The following WWOX variants were observed in gnomAD, a reference collection of about 807,000 sequenced individuals.
WWOX encodes the protein WW domain-containing oxidoreductase.
In WWOX, 69 loss-of-function variants were observed where a neutral mutation model predicts 46.2. That is an observed-to-expected ratio of 1.49 (90% CI 1.23 to 1.82). WWOX has a LOEUF of 1.82. Among genes scored for constraint, WWOX ranks in the 40% most tolerant of loss-of-function variants. WWOX has a pLI of 0.00. For synonymous variants in WWOX, 359 were observed against 202.6 expected, an observed-to-expected ratio of 1.77 and a Z score of -6.56; for missense variants, 919 against 542.6, an observed-to-expected ratio of 1.69 and a Z score of -6.89.
intron 8 of WWOX, among the ~76,000 whole-genome samples, chr16:78,650,079 A>G (rs1358524914): frequency 6.6e-6 from 1 of 152,202 alleles, no homozygotes; most frequent in Non-Finnish European, 1.5e-5. Flanking sequence ...GCTAGAGGCT[A>G]GTAGGACTGG....
chr16:78,136,634 A>G (rs2033799373), intron 4 of WWOX, among the ~76,000 whole-genome samples: 1 of 152,234 alleles, frequency 6.6e-6, no homozygotes, highest in Non-Finnish European at 1.5e-5. Context: ...TACTCTCACT[A>G]GAGAAATCTA....
intron 8 of WWOX, among the ~76,000 whole-genome samples, chr16:78,537,681 T>C (rs375436721): frequency 5.7e-4 from 86 of 152,206 alleles, no homozygotes; most frequent in African/African-American, 1.8e-3. Flanking sequence ...GGGCTGGAGT[T>C]AGAGCCAGGG....
chr16:79,166,298 C>T (rs2050593153), intron 8 of WWOX, among the ~76,000 whole-genome samples: 1 of 152,318 alleles, frequency 6.6e-6, no homozygotes, highest in South Asian at 2.1e-4. Context: ...CAGGGCTTTT[C>T]CAGGCCTTAA....
intron 8 of WWOX, among the ~76,000 whole-genome samples, chr16:78,682,623 A>G (rs2047756381): frequency 6.6e-6 from 1 of 152,208 alleles, no homozygotes; most frequent in South Asian, 2.1e-4. Flanking sequence ...TCACCCCTGT[A>G]ATCCCAGCAG....
At chr16:79,117,123 T>C (rs1362116694) in intron 8 of WWOX, among the ~76,000 whole-genome samples, 2 of 152,154 alleles carry the variant, frequency 1.3e-5, no homozygotes, top group Admixed American at 6.5e-5. Flanking sequence ...ATTATCCTCC[T>C]ACTCCAGCCT....
chr16:79,082,678 T>C (rs2048783009), intron 8 of WWOX, among the ~76,000 whole-genome samples: 1 of 152,214 alleles, frequency 6.6e-6, no homozygotes, highest in African/African-American at 2.4e-5. Context: ...TCTTTTAGCT[T>C]CTGCCAGCAC....
chr16:78,825,910 A>T, intron 8 of WWOX: 1 of 712,724 alleles, frequency 1.4e-6, no homozygotes, highest in Non-Finnish European at 2.5e-6. Context: ...GCATCATGGA[A>T]CCCAAAGATG....
intron 5 of WWOX, among the ~76,000 whole-genome samples, chr16:78,330,438 C>T (rs1360696626): frequency 6.6e-6 from 1 of 151,580 alleles, no homozygotes; most frequent in Non-Finnish European, 1.5e-5. Flanking sequence ...TGCTCTGTTG[C>T]CAGGCTATAG....
chr16:78,317,287 C>T (rs916403753), intron 5 of WWOX, among the ~76,000 whole-genome samples: 1 of 152,144 alleles, frequency 6.6e-6, no homozygotes, highest in Non-Finnish European at 1.5e-5. Context: ...CTCTGTCTGT[C>T]TCTCTCTGTC....
Position 79,175,836 on chromosome 16 carries a change from A to G in WWOX, c.1057-35772A>G, listed in dbSNP as rs377036613. 4.6e-5 allele frequency among the ~76,000 whole-genome samples: 7 copies of G among 152,152 alleles called. No individual in the cohort carries two copies. The East Asian group carries it at 7.7e-4, about 17-fold the overall frequency. On this transcript the variant is annotated intron_variant, in intron 8 of 8. Coordinates refer to ENST00000566780, the MANE Select transcript of WWOX (RefSeq NM_016373.4). ...TTTGTCTCACTCCTTCCTCCCACAC[A>G]TCCTGCTCCCCACTCCCCTAATTAC...
At chr16:79,066,167 C>G (rs1307248710) in intron 8 of WWOX, among the ~76,000 whole-genome samples, 1 of 152,186 alleles carries the variant, frequency 6.6e-6, no homozygotes, top group Admixed American at 6.5e-5. Context: ...TTGCCGTCCT[C>G]TCTTCCTAAA....
chr16:78,628,646 C>T (rs1217925918), intron 8 of WWOX, among the ~76,000 whole-genome samples: 2 of 151,630 alleles, frequency 1.3e-5, no homozygotes, highest in African/African-American at 2.4e-5. Flanking sequence ...CTCTCTTTGT[C>T]TGGAACTTTG....
chr16:78,323,878 G>A (rs1268272531), intron 5 of WWOX, among the ~76,000 whole-genome samples: 1 of 152,140 alleles, frequency 6.6e-6, no homozygotes, highest in East Asian at 1.9e-4. Flanking sequence ...GGACTCAGAG[G>A]CCTGCTCAAG....
intron 8 of WWOX, among the ~76,000 whole-genome samples, chr16:78,435,361 T>G (rs566584870): frequency 1.3e-5 from 2 of 152,326 alleles, no homozygotes; most frequent in South Asian, 4.1e-4. Flanking sequence ...GTCTCTCCTA[T>G]TTCCCTGGCA....
chr16:79,154,859 G>C (rs1205347863), intron 8 of WWOX, among the ~76,000 whole-genome samples: 1 of 152,178 alleles, frequency 6.6e-6, no homozygotes, highest in African/African-American at 2.4e-5. Flanking sequence ...TTGATCCAAG[G>C]TTTAGGCTCT....
At chr16:78,198,813 C>A (rs1013558830) in intron 5 of WWOX, among the ~76,000 whole-genome samples, 2 of 152,166 alleles carry the variant, frequency 1.3e-5, no homozygotes, top group East Asian at 3.9e-4. Context: ...CATTCACACA[C>A]ATGCATACAT....
At chr16:78,617,532 C>T (rs539367124) in intron 8 of WWOX, among the ~76,000 whole-genome samples, 1 of 152,254 alleles carries the variant, frequency 6.6e-6, no homozygotes, top group East Asian at 1.9e-4. Context: ...ACTTAAGAAG[C>T]CACATAAAGA....
At chr16:78,609,567 C>T (rs1057457525) in intron 8 of WWOX, among the ~76,000 whole-genome samples, 1 of 149,626 alleles carries the variant, frequency 6.7e-6, no homozygotes, top group African/African-American at 2.5e-5. Flanking sequence ...TTCCCAGACT[C>T]CTCATACCCC....
At chr16:78,122,603 T>C (rs949478261) in intron 4 of WWOX, among the ~76,000 whole-genome samples, 3 of 151,336 alleles carry the variant, frequency 2.0e-5, no homozygotes, top group African/African-American at 7.3e-5. Flanking sequence ...ATTTTACATT[T>C]TTTTTCTTTT....
Sources: gnomAD v4.1 joint callset for allele counts (sites outside exome capture counted in the v4.1 genomes callset) on GRCh38, gnomAD v4.1.1 for gene constraint, MANE v1.5 for transcripts, NCBI Gene and HGNC (gene_info 2026-07-23, HGNC 2026-07-21) for gene names.